Variants in HRH2 observed in about 807,000 individuals in gnomAD.
HRH2 encodes the protein histamine receptor H2, also known as histamine H2 receptor.
In HRH2, 4 loss-of-function variants were observed where a neutral mutation model predicts 20.1. The ratio of observed to expected loss-of-function variants is 0.20; its 90% CI spans 0.10 to 0.45. The LOEUF is 0.45. Among genes scored for constraint, HRH2 ranks in the 20% least tolerant of loss-of-function variants. HRH2 has a pLI of 0.99. For synonymous variants in HRH2, 197 were observed against 200.7 expected, an observed-to-expected ratio of 0.98 and a Z score of 0.16; for missense variants, 250 against 461.6, an observed-to-expected ratio of 0.54 and a Z score of 4.20.
At position 175,687,870 on chromosome 5, in the gene HRH2, C is replaced by T. The variant is rs1274770750; in HGVS notation, c.1076+3561C>T. On this transcript the variant is annotated intron_variant, in intron 2 of 2. Coordinates refer to ENST00000636584, the MANE Select transcript of HRH2 (RefSeq NM_001367711.1). This position sits in a 1 kb window ranked among gnomAD's most constrained non-coding sequence, Gnocchi z 5.2. The stretch of plus-strand genomic sequence containing the variant: ...GCCCTGTGTCCATTTCCTGTGGCTG[C>T]CATAACACATCCCCACCAGCCTAGT... Among the ~76,000 whole-genome samples, 2 of 152,192 alleles carry T rather than the reference C, an allele frequency of 1.3e-5. No individual in the cohort carries two copies. Among genetic ancestry groups the T allele is most frequent in the East Asian group, 3.9e-4 (2 of 5,194 alleles).
At chr5:175,664,887 C>T (rs754715536) in intron 1 of HRH2, among the ~76,000 whole-genome samples, 1 of 152,178 alleles carries the variant, frequency 6.6e-6, no homozygotes, top group Non-Finnish European at 1.5e-5. Context: ...ATCTTCTTGC[C>T]GTGGCCTCTC....
At chr5:175,696,072 C>G (rs1325381688) in intron 2 of HRH2, among the ~76,000 whole-genome samples, 1 of 152,278 alleles carries the variant, frequency 6.6e-6, no homozygotes, top group Non-Finnish European at 1.5e-5. Context: ...GGGCATGACA[C>G]TTTGCCTGCC....
chr5:175,699,408 C>A (rs9884993), intron 2 of HRH2, among the ~76,000 whole-genome samples: 16,798 of 152,232 alleles, frequency 0.11, 1,095 homozygotes, highest in African/African-American at 0.19. Flanking sequence ...ATCCCCTCTC[C>A]TCCCCAACCT....
chr5:175,706,993 G>A (rs185738962), intron 2 of HRH2, among the ~76,000 whole-genome samples: 3 of 152,140 alleles, frequency 2.0e-5, no homozygotes, highest in South Asian at 2.1e-4. Context: ...TCCCCAACTC[G>A]GGGCATGCTG....
At position 175,681,244 on chromosome 5, in the gene HRH2, G is replaced by T. The variant is rs544833186; in HGVS notation, c.-525-1465G>T. Among the ~76,000 whole-genome samples the T allele has an allele frequency of 9.2e-5, 14 of 152,322 alleles. No individual in the cohort carries two copies. Among genetic ancestry groups the T allele is most frequent in the Non-Finnish European group, 1.3e-4 (9 of 68,034 alleles). On this transcript the variant is annotated intron_variant, in intron 1 of 2. Transcript: ENST00000636584. This position sits in a 1 kb window ranked among gnomAD's most constrained non-coding sequence, Gnocchi z 4.3. ...TAGTACCCGGAGGTTCAGCTGCCAG[G>T]ACTGGTGGCTGAGCCAGGGAGCGTG...
intron 1 of HRH2, among the ~76,000 whole-genome samples, chr5:175,668,493 G>T (rs1009268646): frequency 6.6e-6 from 1 of 152,180 alleles, no homozygotes; most frequent in Non-Finnish European, 1.5e-5. Flanking sequence ...CCATTGTGAG[G>T]CTGGGTTATT....
intron 1 of HRH2, among the ~76,000 whole-genome samples, chr5:175,680,805 G>T (rs1755937131): frequency 6.6e-6 from 1 of 152,124 alleles, no homozygotes; most frequent in East Asian, 1.9e-4. Context: ...CAGCAGAAGT[G>T]GTGCTTCTTT....
At chr5:175,663,658 T>C (rs1360109225) in intron 1 of HRH2, among the ~76,000 whole-genome samples, 1 of 152,236 alleles carries the variant, frequency 6.6e-6, no homozygotes, top group Non-Finnish European at 1.5e-5. Flanking sequence ...CCCTTTGTAG[T>C]TGCCAGTTCC....
At chr5:175,706,897 CA>C (rs921778162) in intron 2 of HRH2, among the ~76,000 whole-genome samples, 1 of 152,198 alleles carries the variant, frequency 6.6e-6, no homozygotes, top group African/African-American at 2.4e-5. Context: ...GGGGAGGGAG[CA>C]GTACGCTTGA....
At chr5:175,667,281 T>C (rs1762927621) in intron 1 of HRH2, among the ~76,000 whole-genome samples, 1 of 151,976 alleles carries the variant, frequency 6.6e-6, no homozygotes, top group Non-Finnish European at 1.5e-5. Flanking sequence ...TCATCTCTAC[T>C]AAAAATACAA....
intron 2 of HRH2, among the ~76,000 whole-genome samples, chr5:175,689,485 A>C (rs951162809): frequency 6.6e-6 from 1 of 152,248 alleles, no homozygotes; most frequent in African/African-American, 2.4e-5. Flanking sequence ...TGATTGAATA[A>C]ATGAATGAGT....
chr5:175,689,426 C>T (rs116182691), intron 2 of HRH2, among the ~76,000 whole-genome samples: 2,348 of 152,124 alleles, frequency 0.015, 30 homozygotes, highest in Middle Eastern at 0.037. Context: ...ACTACTGGAC[C>T]CTAACACGTG....
In HRH2 at chr5:175,666,912, C is replaced by T. The variant is rs1431069943; in HGVS notation, c.-526+8757C>T. 7.2e-5 allele frequency among the ~76,000 whole-genome samples: 11 copies of T among 152,166 alleles called. No homozygotes were observed. In the East Asian group the frequency reaches 2.1e-3, roughly 29 times the overall value. On this transcript the variant is annotated intron_variant, in intron 1 of 2. Transcript: ENST00000636584. ...GGGTACACAATGAAAGGCCTCACTG[C>T]ACCCTGGCCACCGTCTGTCCAATCC...
At chr5:175,661,104 C>A (rs1762725842) in intron 1 of HRH2, among the ~76,000 whole-genome samples, 1 of 148,228 alleles carries the variant, frequency 6.7e-6, no homozygotes, top group African/African-American at 2.5e-5. Context: ...TTGCCCACCT[C>A]CAAACTTCCC....
rs145029743 is a variant in HRH2 at position 175,701,115 on chromosome 5, G to A, written c.1077-6664G>A. ...CATCCATTGTCCTCACATTAGCCCT[G>A]TGAGGTCGTTATTATTAACTCATTT... On this transcript the variant is annotated intron_variant, in intron 2 of 2. Transcript: ENST00000636584. Among the ~76,000 whole-genome samples the A allele has an allele frequency of 8.9e-4, 136 of 152,288 alleles. 1 individual carries two copies. Among genetic ancestry groups the A allele is most frequent in the African/African-American group, 2.9e-3 (121 of 41,556 alleles).
chr5:175,697,462 C>CAAAAAAAAAA (rs60466733), intron 2 of HRH2, among the ~76,000 whole-genome samples: 2 of 82,576 alleles, frequency 2.4e-5, no homozygotes, highest in African/African-American at 7.0e-5. Context: ...GACTCCGTCT[C>CAAAAAAAAAA]AAAAAAAAAA....
chr5:175,708,231 C>T lies in HRH2; in HGVS notation c.*260C>T, dbSNP rs1757004816. ...CATGGGTTCAAAGCTCACGTTGGTG[C>T]TGGCCCTGGGAGTCATGAGCAGAGA... On this transcript the variant is annotated 3_prime_UTR_variant, in exon 3 of 3. Coordinates refer to ENST00000636584, the MANE Select transcript of HRH2 (RefSeq NM_001367711.1). 2.9e-6 allele frequency: 1 copy of T among 339,294 alleles called. No individual in the cohort carries two copies. Among genetic ancestry groups the T allele is most frequent in the Non-Finnish European group, 5.3e-6 (1 of 188,608 alleles). The allele number at this position is 339,294 out of a possible 1,614,324, so 21.0% of individuals were successfully genotyped here.
intron 2 of HRH2, among the ~76,000 whole-genome samples, chr5:175,696,308 C>T (rs763570588): frequency 7.9e-5 from 12 of 152,242 alleles, no homozygotes; most frequent in Non-Finnish European, 1.5e-4. Context: ...ACTTGGGAGA[C>T]CTGAGTGTGA....
chr5:175,677,120 G>A lies in HRH2; in HGVS notation c.-525-5589G>A, dbSNP rs915363838. On this transcript the variant is annotated intron_variant, in intron 1 of 2. Coordinates refer to ENST00000636584, the MANE Select transcript of HRH2 (RefSeq NM_001367711.1). The surrounding 1 kb of genome is among the most constrained non-coding windows in gnomAD (Gnocchi z 4.2). Reference sequence around the variant, plus strand: ...AGCGATCTTCCCACCTCGGCCTCCCGAGTAGCCTGCCCTACAGGCGTGCAC... The same window carrying A: ...AGCGATCTTCCCACCTCGGCCTCCCAAGTAGCCTGCCCTACAGGCGTGCAC... Among the ~76,000 whole-genome samples the A allele has an allele frequency of 2.0e-5, 3 of 152,050 alleles. No homozygotes were observed. Among genetic ancestry groups the A allele is most frequent in the African/African-American group, 7.3e-5 (3 of 41,376 alleles).
Sources: allele counts gnomAD v4.1 joint callset (sites outside exome capture counted in the v4.1 genomes callset), GRCh38; gene constraint gnomAD v4.1.1; non-coding constraint Gnocchi (gnomAD v3.1); transcripts MANE v1.5; gene names NCBI Gene and HGNC (gene_info 2026-07-23, HGNC 2026-07-21).